Variants in LCLAT1 observed in about 807,000 individuals in gnomAD.
LCLAT1 encodes 1-AGP acyltransferase 8.
A neutral mutation model predicts 30.7 loss-of-function variants in LCLAT1; 11 were observed. The observed-to-expected ratio is 0.36, with a 90% CI of 0.23 to 0.59. The LOEUF (loss-of-function observed/expected upper bound fraction) is 0.59. Among genes scored for constraint, LCLAT1 ranks in the 20% least tolerant of loss-of-function variants. The probability of loss-of-function intolerance (pLI) is 0.77; values close to 1 mark genes in which losing one functional copy is unlikely to be tolerated. For synonymous variants in LCLAT1, 155 were observed against 151.3 expected (o/e 1.02, Z -0.18); for missense variants, 402 against 458.6 (o/e 0.88, Z 1.13).
rs373746933 is a variant in LCLAT1 at position 30,568,728 on chromosome 2, C to T, written c.628+552C>T. Among the ~76,000 whole-genome samples the T allele has an allele frequency of 9.3e-5, 14 of 150,954 alleles. No homozygotes were observed. In the South Asian group the frequency reaches 1.9e-3, roughly 20 times the overall value. On this transcript the variant is annotated intron_variant, in intron 5 of 5. Transcript: ENST00000379509. Reference sequence around the variant, plus strand: ...TTCAACATGTTAGCCGGGATGGTCTCGATTTCCTGACCTCGTGATCCAGCA... The same window carrying T: ...TTCAACATGTTAGCCGGGATGGTCTTGATTTCCTGACCTCGTGATCCAGCA...
chr2:30,558,985 G>A (rs1177744522), intron 3 of LCLAT1, among the ~76,000 whole-genome samples: 1 of 152,088 alleles, frequency 6.6e-6, no homozygotes, highest in Non-Finnish European at 1.5e-5. Flanking sequence ...GGTCTACAGT[G>A]GTATATTTAT....
At chr2:30,593,978 T>C (rs1020388579) in intron 5 of LCLAT1, among the ~76,000 whole-genome samples, 2 of 151,532 alleles carry the variant, frequency 1.3e-5, no homozygotes. Flanking sequence ...ATCATTCCAC[T>C]GACTCCCCAA....
At chr2:30,628,955 T>C (rs1386547423) in intron 5 of LCLAT1, among the ~76,000 whole-genome samples, 1 of 152,164 alleles carries the variant, frequency 6.6e-6, no homozygotes, top group Non-Finnish European at 1.5e-5. Flanking sequence ...AATGGATTTA[T>C]AAAAATACTT....
At chr2:30,527,814 T>A (rs965436915) in intron 2 of LCLAT1, among the ~76,000 whole-genome samples, 1 of 152,206 alleles carries the variant, frequency 6.6e-6, no homozygotes, top group African/African-American at 2.4e-5. Context: ...TTTGGTATTA[T>A]ATTAATTTTA....
chr2:30,537,380 T>TC (rs1210789367), intron 3 of LCLAT1, among the ~76,000 whole-genome samples: 1 of 139,238 alleles, frequency 7.2e-6, no homozygotes, highest in African/African-American at 2.7e-5. Flanking sequence ...AGAGCGAGAC[T>TC]CCGTCTCAAA....
chr2:30,617,450 C>T (rs750259331), intron 5 of LCLAT1, among the ~76,000 whole-genome samples: 16 of 152,050 alleles, frequency 1.1e-4, no homozygotes, highest in Admixed American at 2.0e-4. Context: ...TAGACACCTG[C>T]GTTATTTACA....
At chr2:30,522,875 A>G (rs912675992) in intron 1 of LCLAT1, among the ~76,000 whole-genome samples, 2 of 152,252 alleles carry the variant, frequency 1.3e-5, no homozygotes, top group Admixed American at 6.5e-5. Flanking sequence ...ATTTGATGCT[A>G]CTAATTTGTT....
intron 3 of LCLAT1, among the ~76,000 whole-genome samples, chr2:30,538,044 A>G (rs572171757): frequency 2.6e-4 from 39 of 152,306 alleles, no homozygotes; most frequent in African/African-American, 9.1e-4. Flanking sequence ...AAATAGAAAC[A>G]TAACACACCG....
At chr2:30,468,522 G>GT (rs34503678) in intron 1 of LCLAT1, among the ~76,000 whole-genome samples, 34 of 150,454 alleles carry the variant, frequency 2.3e-4, no homozygotes, top group South Asian at 8.4e-4. Context: ...ATATATATCT[G>GT]TTTTTTTTTT....
intron 1 of LCLAT1, among the ~76,000 whole-genome samples, chr2:30,521,017 A>G (rs986563936): frequency 6.6e-6 from 1 of 152,192 alleles, no homozygotes; most frequent in African/African-American, 2.4e-5. Context: ...GGAGGTCACC[A>G]CAAAATTCGG....
At chr2:30,556,742 CTTTTTTTTTTTT>C (rs35188565) in intron 3 of LCLAT1, among the ~76,000 whole-genome samples, 2 of 114,854 alleles carry the variant, frequency 1.7e-5, no homozygotes, top group Non-Finnish European at 3.6e-5. Context: ...TTTAGAAAGT[CTTTTTTTTTTTT>C]TTTTTTTTGA....
At chr2:30,461,964 G>C in intron 1 of LCLAT1, among the ~76,000 whole-genome samples, 1 of 151,286 alleles carries the variant, frequency 6.6e-6, no homozygotes, top group Non-Finnish European at 1.5e-5. Flanking sequence ...AGTAGAGACG[G>C]GGTTTCACTG....
At chr2:30,575,920 C>T (rs1446583022) in intron 5 of LCLAT1, among the ~76,000 whole-genome samples, 1 of 152,122 alleles carries the variant, frequency 6.6e-6, no homozygotes, top group African/African-American at 2.4e-5. Context: ...ATTTCTCTAA[C>T]ACTAGCCAGC....
At chr2:30,481,482 C>A (rs1314113484) in intron 1 of LCLAT1, among the ~76,000 whole-genome samples, 1 of 152,032 alleles carries the variant, frequency 6.6e-6, no homozygotes, top group Non-Finnish European at 1.5e-5. Context: ...GCCAACCAAG[C>A]CAACTAGGAG....
rs191507658 is a variant in LCLAT1, at chr2:30,496,654, T to C, written c.-4-28933T>C. Among the ~76,000 whole-genome samples the C allele has an allele frequency of 3.1e-4, 47 of 152,376 alleles. 1 individual carries two copies. Among genetic ancestry groups the C allele is most frequent in the African/African-American group, 1.1e-3 (44 of 41,588 alleles). On this transcript the variant is annotated intron_variant, in intron 1 of 5. Transcript: ENST00000379509. ...GTAAACTCTGTGTAAATGTGTCATA[T>C]GCAGATGCAATGGATTAGTGTTAAG...
At chr2:30,519,337 G>A (rs374988324) in intron 1 of LCLAT1, among the ~76,000 whole-genome samples, 18 of 152,128 alleles carry the variant, frequency 1.2e-4, no homozygotes, top group African/African-American at 2.2e-4. Flanking sequence ...CCCCTGGACC[G>A]GCCTGCTAGC....
At chr2:30,517,909 G>C (rs1230003484) in intron 1 of LCLAT1, among the ~76,000 whole-genome samples, 1 of 152,180 alleles carries the variant, frequency 6.6e-6, no homozygotes, top group Non-Finnish European at 1.5e-5. Flanking sequence ...CTTGTTATCA[G>C]TGTAAACAAG....
At chr2:30,558,457 G>A (rs543477283) in intron 3 of LCLAT1, among the ~76,000 whole-genome samples, 4 of 152,028 alleles carry the variant, frequency 2.6e-5, no homozygotes, top group East Asian at 1.9e-4. Flanking sequence ...AAAATTAGCC[G>A]GGCATGGTGG....
chr2:30,629,986 G>C (rs1310034176), intron 5 of LCLAT1, among the ~76,000 whole-genome samples: 1 of 151,840 alleles, frequency 6.6e-6, no homozygotes, highest in East Asian at 1.9e-4. Flanking sequence ...CTGCTAGAGA[G>C]GCCATAACAA....
Sources: allele counts gnomAD v4.1 joint callset (sites outside exome capture counted in the v4.1 genomes callset), GRCh38; gene constraint gnomAD v4.1.1; transcripts MANE v1.5; gene names NCBI Gene and HGNC (gene_info 2026-07-23, HGNC 2026-07-21).